NBEA: variants seen among roughly 807,000 people sequenced by gnomAD.
NBEA encodes neurobeachin, also known as lysosomal-trafficking regulator 2.
In NBEA, 44 loss-of-function variants were observed where a neutral mutation model predicts 343.4. The ratio of observed to expected loss-of-function variants is 0.13; its 90% CI spans 0.10 to 0.16. The LOEUF (loss-of-function observed/expected upper bound fraction) is 0.16. Ranked by LOEUF, NBEA falls within the 10% of genes least tolerant of loss-of-function variation. The pLI is 1.00. For synonymous variants in NBEA, 1,175 were observed against 1,238.7 expected (o/e 0.95, Z 1.08); for missense variants, 2,555 against 3,631.3 (o/e 0.70, Z 7.62).
In NBEA at chr13:35,609,903, A is replaced by G. The variant is rs375585823; in HGVS notation, c.7449+3325A>G. The stretch of plus-strand genomic sequence containing the variant: ...TGGTGAGAAGCTGCCTGCTCTGTAA[A>G]TGAGCCGAAGTCATAACAAAGATAG... On this transcript the variant is annotated intron_variant, in intron 48 of 58. Transcript: ENST00000379939. Among the ~76,000 whole-genome samples, 16 of 152,308 alleles carry G rather than the reference A, an allele frequency of 1.1e-4. No homozygotes were observed. In the South Asian group the frequency reaches 3.3e-3, roughly 32 times the overall value.
At chr13:35,364,249 A>G (rs1338491207) in intron 38 of NBEA, among the ~76,000 whole-genome samples, 1 of 151,814 alleles carries the variant, frequency 6.6e-6, no homozygotes, top group Non-Finnish European at 1.5e-5. Flanking sequence ...TACAACCCAT[A>G]TACACAAATA....
intron 6 of NBEA, among the ~76,000 whole-genome samples, chr13:35,053,131 A>G (rs1326032914): frequency 2.6e-5 from 4 of 152,000 alleles, no homozygotes; most frequent in Non-Finnish European, 4.4e-5. Context: ...TTGCCTGCCT[A>G]TCTCACCTCC....
chr13:34,946,249 A>AT (rs2059179757), intron 1 of NBEA, among the ~76,000 whole-genome samples: 1 of 152,130 alleles, frequency 6.6e-6, no homozygotes. Flanking sequence ...ATATAAGAGA[A>AT]TTTAACTACA....
chr13:35,289,088 GTATT>G (rs1375803865), intron 34 of NBEA, among the ~76,000 whole-genome samples: 1 of 151,882 alleles, frequency 6.6e-6, no homozygotes, highest in Non-Finnish European at 1.5e-5. Context: ...GCACAAAAGA[GTATT>G]TATCCACTAC....
In NBEA at chr13:34,959,777, C is replaced by T. The variant is rs776492056; in HGVS notation, c.294+16663C>T. Among the ~76,000 whole-genome samples, 17 of 152,016 alleles carry T rather than the reference C, an allele frequency of 1.1e-4. No individual in the cohort carries two copies. In the East Asian group the frequency reaches 1.9e-3, roughly 17 times the overall value. On this transcript the variant is annotated intron_variant, in intron 1 of 58. Coordinates refer to ENST00000379939, the MANE Select transcript of NBEA (RefSeq NM_001385012.1). The stretch of plus-strand genomic sequence containing the variant: ...TATGATGGAGCTGAAAAATTCTTAT[C>T]TCCTAGTGAAGTCAGAGATATCATA...
chr13:35,036,078 CTTCT>C (rs1228053735), intron 1 of NBEA, among the ~76,000 whole-genome samples: 2 of 151,834 alleles, frequency 1.3e-5, no homozygotes, highest in African/African-American at 4.8e-5. Flanking sequence ...GTTTTGTGGT[CTTCT>C]TTCTTGCATT....
intron 13 of NBEA, among the ~76,000 whole-genome samples, chr13:35,111,834 C>A (rs1451711153): frequency 6.6e-6 from 1 of 150,950 alleles, no homozygotes; most frequent in Non-Finnish European, 1.5e-5. Flanking sequence ...TGTTAGAGTA[C>A]TTCCTTTTGC....
chr13:35,435,213 G>C (rs1005696598), intron 39 of NBEA, among the ~76,000 whole-genome samples: 18 of 151,976 alleles, frequency 1.2e-4, no homozygotes, highest in Non-Finnish European at 2.4e-4. Flanking sequence ...GGGTTTCACT[G>C]TGTTGGCCAG....
At chr13:35,564,305 A>G (rs980342903) in intron 44 of NBEA, among the ~76,000 whole-genome samples, 2 of 151,994 alleles carry the variant, frequency 1.3e-5, no homozygotes, top group Non-Finnish European at 2.9e-5. Flanking sequence ...CTAGATAGGT[A>G]GCATCAGCAT....
intron 1 of NBEA, among the ~76,000 whole-genome samples, chr13:34,955,807 T>G (rs189348591): frequency 4.6e-5 from 7 of 152,320 alleles, no homozygotes; most frequent in African/African-American, 1.7e-4. Flanking sequence ...TGTTTAGGCC[T>G]TCAACTGATT....
intron 10 of NBEA, among the ~76,000 whole-genome samples, chr13:35,073,056 A>G: frequency 6.6e-6 from 1 of 152,044 alleles, no homozygotes; most frequent in Admixed American, 6.6e-5. Context: ...TGTGTGGATC[A>G]GTAATACAGT....
chr13:35,196,570 C>T (rs2072617048), intron 31 of NBEA, among the ~76,000 whole-genome samples: 1 of 151,988 alleles, frequency 6.6e-6, no homozygotes, highest in African/African-American at 2.4e-5. Flanking sequence ...TATCAAAGGA[C>T]TACAGTACAT....
chr13:35,418,703 A>G (rs966760864), intron 38 of NBEA, among the ~76,000 whole-genome samples: 1 of 152,070 alleles, frequency 6.6e-6, no homozygotes, highest in Non-Finnish European at 1.5e-5. Flanking sequence ...GTTGGAACAT[A>G]AGCCTTTTTT....
At chr13:34,975,219 A>AT (rs2060124392) in intron 1 of NBEA, among the ~76,000 whole-genome samples, 1 of 152,204 alleles carries the variant, frequency 6.6e-6, no homozygotes, top group Non-Finnish European at 1.5e-5. Flanking sequence ...AAACTATATT[A>AT]TAAGGCCTTA....
At chr13:35,653,527 C>T (rs1260415450) in intron 53 of NBEA, among the ~76,000 whole-genome samples, 1 of 152,058 alleles carries the variant, frequency 6.6e-6, no homozygotes, top group African/African-American at 2.4e-5. Context: ...GACAGGGTTT[C>T]ACCGTGTTGG....
intron 39 of NBEA, among the ~76,000 whole-genome samples, chr13:35,440,592 A>G (rs1187084677): frequency 6.6e-6 from 1 of 152,218 alleles, no homozygotes; most frequent in Admixed American, 6.5e-5. Flanking sequence ...AACATAATGT[A>G]TTCAAGGAAT....
chr13:34,967,694 G>C (rs1191533319), intron 1 of NBEA, among the ~76,000 whole-genome samples: 1 of 152,060 alleles, frequency 6.6e-6, no homozygotes, highest in Non-Finnish European at 1.5e-5. Context: ...AAATATTTTA[G>C]CCTTTGTGGG....
At chr13:35,662,251 A>G (rs1306541019) in intron 55 of NBEA, among the ~76,000 whole-genome samples, 1 of 152,130 alleles carries the variant, frequency 6.6e-6, no homozygotes, top group African/African-American at 2.4e-5. Flanking sequence ...TAAAAATTGG[A>G]CGTGTTTGTT....
rs375468846 is a variant in NBEA, at chr13:35,304,331, CTGTG to C, written c.5839-5173_5839-5170del. 5.6e-4 allele frequency among the ~76,000 whole-genome samples: 83 copies of C among 148,992 alleles called. 1 individual carries two copies. Among genetic ancestry groups the C allele is most frequent in the African/African-American group, 1.5e-3 (61 of 40,620 alleles). ...ACATTGCCTTGACAAAAGCAATTCTCTGTGTGTGTGTGTGTGTGTGTGTGTGTAT... is the reference window on the plus strand; with the variant it reads ...ACATTGCCTTGACAAAAGCAATTCTCTGTGTGTGTGTGTGTGTGTGTGTAT... On this transcript the variant is annotated intron_variant, in intron 35 of 58. Coordinates refer to ENST00000379939, the MANE Select transcript of NBEA (RefSeq NM_001385012.1).
Sources: allele counts gnomAD v4.1 joint callset (sites outside exome capture counted in the v4.1 genomes callset), GRCh38; gene constraint gnomAD v4.1.1; transcripts MANE v1.5; gene names NCBI Gene and HGNC (gene_info 2026-07-23, HGNC 2026-07-21).